Variants in SP110 observed in about 807,000 individuals in gnomAD.
The protein encoded by SP110 is interferon-induced protein 41, 30kD.
A neutral mutation model predicts 92.7 loss-of-function variants in SP110; 62 were observed. The observed-to-expected ratio is 0.67, with a 90% CI of 0.55 to 0.83. The LOEUF (loss-of-function observed/expected upper bound fraction) is 0.83, where lower values mean the gene tolerates loss of function less well. SP110 is among the 40% of genes least tolerant of loss of function. SP110 has a pLI of 0.00. For synonymous variants in SP110, 273 were observed against 305.3 expected (o/e 0.89, Z 1.10); for missense variants, 793 against 863.9 (o/e 0.92, Z 1.03).
Position 230,165,949 on chromosome 2 carries a change from A to G in SP110, c.*3175T>C, listed in dbSNP as rs1385729771. On this transcript the variant is annotated 3_prime_UTR_variant, in exon 19 of 19. Coordinates refer to ENST00000258381, the MANE Select transcript of SP110 (RefSeq NM_080424.4). The stretch of plus-strand genomic sequence containing the variant: ...TACTCTGTTGCCCAGGCTGGAGTGC[A>G]GTGGTGGGATCTCGGCTCACTGCAA... 1.4e-5 allele frequency among the ~76,000 whole-genome samples: 2 copies of G among 147,782 alleles called. No individual in the cohort carries two copies. Among genetic ancestry groups the G allele is most frequent in the Non-Finnish European group, 3.0e-5 (2 of 67,504 alleles).
At chr2:230,173,319 C>T in intron 14 of SP110, 1 of 312,276 alleles carries the variant, frequency 3.2e-6, no homozygotes, top group Non-Finnish European at 6.4e-6. Context: ...ATCTGACTGA[C>T]CAAAGTAAGA....
chr2:230,194,349 G>A (rs959664921), intron 10 of SP110, among the ~76,000 whole-genome samples: 2 of 151,986 alleles, frequency 1.3e-5, no homozygotes. Context: ...ACCTGTATCC[G>A]AGAACTTTGG....
rs751751292 is a variant in SP110, at chr2:230,173,736, TC to T, written c.1591-778del. On this transcript the variant is annotated intron_variant, in intron 14 of 18. Transcript: ENST00000258381. ...TCTCGGTGAATTACTACAACCTGAATCCTGTGACCCCACCTGTGATGGCCCA... is the reference window on the plus strand; with the variant it reads ...TCTCGGTGAATTACTACAACCTGAATCTGTGACCCCACCTGTGATGGCCCA... 4.6e-5 allele frequency: 7 copies of T among 151,974 alleles called. No individual in the cohort carries two copies. The East Asian group carries it at 1.4e-3, about 29-fold the overall frequency. The allele number at this position is 151,974 out of a possible 1,614,324, so 9.4% of individuals were successfully genotyped here.
intron 8 of SP110, among the ~76,000 whole-genome samples, chr2:230,204,029 G>A (rs1318393985): frequency 6.6e-6 from 1 of 152,058 alleles, no homozygotes; most frequent in African/African-American, 2.4e-5. Flanking sequence ...GTAAAAAATT[G>A]GAAAATTGGA....
At chr2:230,175,202 G>A (rs931636152) in intron 14 of SP110, among the ~76,000 whole-genome samples, 10 of 151,962 alleles carry the variant, frequency 6.6e-5, no homozygotes, top group African/African-American at 1.2e-4. Flanking sequence ...CTACCTACAC[G>A]TTCACATAAG....
Position 230,213,020 on chromosome 2 carries a change from A to C in SP110, c.324T>G (p.Ala108=). 1 of 1,613,962 alleles carries C rather than the reference A, an allele frequency of 6.2e-7. No homozygotes were observed. Among genetic ancestry groups the C allele is most frequent in the Non-Finnish European group, 8.5e-7 (1 of 1,179,964 alleles). ...TGTCTCTGCTCTGCCATTCATAGGA[A>C]GCACCAACTGGGATTGGTGAAGGGA... is the stretch of plus-strand genomic sequence containing the variant. ...TIYRSFKRVG[A]SYEWQSRDTP... Residue 108 remains alanine (A), a synonymous_variant, in exon 4 of 19, where the codon GCT becomes GCG. Coordinates refer to ENST00000258381, the MANE Select transcript of SP110 (RefSeq NM_080424.4).
At chr2:230,178,622 G>GA (rs925604730) in intron 12 of SP110, among the ~76,000 whole-genome samples, 12 of 151,640 alleles carry the variant, frequency 7.9e-5, no homozygotes, top group Non-Finnish European at 1.2e-4. Flanking sequence ...GTTGCCAGAG[G>GA]AAAAAAAAAT....
chr2:230,206,337 T>C (rs2043795244), intron 8 of SP110, among the ~76,000 whole-genome samples: 1 of 151,784 alleles, frequency 6.6e-6, no homozygotes, highest in Non-Finnish European at 1.5e-5. Flanking sequence ...CTTCTCTGAA[T>C]TTATCTTAGT....
At chr2:230,172,317 TG>T in intron 15 of SP110, 143 bp from the exon 16 acceptor site, 3 of 720,216 alleles carry the variant, frequency 4.2e-6, no homozygotes, top group Non-Finnish European at 7.7e-6. Context: ...GATCCCCACA[TG>T]GGGTCTCCAG....
At chr2:230,209,800 G>T in intron 7 of SP110, 131 bp downstream of exon 7, 1 of 722,976 alleles carries the variant, frequency 1.4e-6, no homozygotes, top group Admixed American at 2.0e-5. Context: ...AATGGAAACT[G>T]CAGAAACGAA....
At chr2:230,221,922 T>G, upstream of SP110, 1 of 614,298 alleles carries the variant, frequency 1.6e-6, no homozygotes, top group African/African-American at 1.8e-5. Context: ...GAAAGATGTT[T>G]ATTCTAAGCC....
intron 10 of SP110, among the ~76,000 whole-genome samples, chr2:230,192,321 A>G (rs971113539): frequency 2.6e-5 from 4 of 152,218 alleles, no homozygotes; most frequent in Non-Finnish European, 4.4e-5. Context: ...AGCGTATTCA[A>G]ATAGGAAGAG....
Position 230,184,841 on chromosome 2 carries a change from G to A in SP110, c.1279+1153C>T, listed in dbSNP as rs143039506. Among the ~76,000 whole-genome samples, 1,343 of 152,270 alleles carry A rather than the reference G, an allele frequency of 8.8e-3. 12 individuals are homozygous for A. Among genetic ancestry groups the A allele is most frequent in the African/African-American group, 0.031 (1,269 of 41,552 alleles). On this transcript the variant is annotated intron_variant, in intron 11 of 18. Coordinates refer to ENST00000258381, the MANE Select transcript of SP110 (RefSeq NM_080424.4). The stretch of plus-strand genomic sequence containing the variant: ...GCTAGGTAATGCTGTGGTAATTCAC[G>A]ATCCTCCCAAATCTCAGTGGTTTAT...
intron 3 of SP110, among the ~76,000 whole-genome samples, chr2:230,214,716 A>G (rs1272738041): frequency 6.6e-6 from 1 of 152,116 alleles, no homozygotes; most frequent in Admixed American, 6.6e-5. Flanking sequence ...TTTTTTTCCA[A>G]ATTCATAGAA....
At chr2:230,187,517 T>C (rs2148761131) in intron 10 of SP110, among the ~76,000 whole-genome samples, 1 of 152,334 alleles carries the variant, frequency 6.6e-6, no homozygotes, top group East Asian at 1.9e-4. Context: ...TTATTTATTT[T>C]TGTTTTTGTT....
chr2:230,207,205 G>A (rs1182939206), intron 8 of SP110, among the ~76,000 whole-genome samples: 1 of 152,088 alleles, frequency 6.6e-6, no homozygotes, highest in South Asian at 2.1e-4. Context: ...TATCTAAACA[G>A]AAAAATCCAT....
chr2:230,181,116 G>C (rs1168436483), intron 12 of SP110, among the ~76,000 whole-genome samples: 3 of 152,232 alleles, frequency 2.0e-5, no homozygotes, highest in Non-Finnish European at 4.4e-5. Context: ...CCACCTTTAA[G>C]GGGTGCTCTA....
intron 5 of SP110, 112 bp downstream of exon 5, chr2:230,212,235 A>G: frequency 1.3e-6 from 1 of 790,534 alleles, no homozygotes; most frequent in Non-Finnish European, 2.2e-6. Flanking sequence ...TTTCCTTTGT[A>G]TTGCTCAGTT....
chr2:230,225,210 A>T (rs2046181338), intron 1 of SP110, among the ~76,000 whole-genome samples: 1 of 152,176 alleles, frequency 6.6e-6, no homozygotes, highest in Admixed American at 6.5e-5. Context: ...GAGAAAACTT[A>T]GAATTGCACC....
Sources: allele counts gnomAD v4.1 joint callset (sites outside exome capture counted in the v4.1 genomes callset), GRCh38; gene constraint gnomAD v4.1.1; transcripts MANE v1.5; gene names NCBI Gene and HGNC (gene_info 2026-07-23, HGNC 2026-07-21).